NAV2: variants seen among roughly 807,000 people sequenced by gnomAD.
NAV2 encodes the protein neuron navigator 2.
Under a neutral mutation model 223.2 loss-of-function variants are expected in NAV2, and 54 were observed. The ratio of observed to expected loss-of-function variants is 0.24; its 90% CI spans 0.19 to 0.30. The LOEUF (loss-of-function observed/expected upper bound fraction) is 0.30. Among genes scored for constraint, NAV2 ranks in the 10% least tolerant of loss-of-function variants. The probability of loss-of-function intolerance (pLI) is 1.00; values close to 1 mark genes in which losing one functional copy is unlikely to be tolerated. For missense variants in NAV2, 2,806 were observed against 3,147.5 expected, an observed-to-expected ratio of 0.89 and a Z score of 2.60; for synonymous variants, 1,279 against 1,239.3, an observed-to-expected ratio of 1.03 and a Z score of -0.67.
In NAV2 at chr11:20,114,816, G is replaced by A. The variant is rs779768669; in HGVS notation, c.7164+21G>A. ...CGCTGGTGAGTCCTCAGCCACCAGA[G>A]CAGCTCAGCATTCCTTTAGCACTTA... On this transcript the variant is annotated intron_variant, in intron 37 of 37. Transcript: ENST00000349880. The A allele has an allele frequency of 1.9e-6, 3 of 1,604,890 alleles. No homozygotes were observed. The South Asian group carries it at 3.3e-5, about 18-fold the overall frequency.
intron 1 of NAV2, among the ~76,000 whole-genome samples, chr11:19,365,176 A>G (rs868692877): frequency 9.2e-5 from 14 of 152,372 alleles, no homozygotes; most frequent in Middle Eastern, 6.8e-3. Context: ...TAGTGGAAAC[A>G]GAAATGAAAT....
chr11:19,793,759 C>G (rs1469773144), intron 1 of NAV2, among the ~76,000 whole-genome samples: 3 of 152,210 alleles, frequency 2.0e-5, no homozygotes, highest in Non-Finnish European at 4.4e-5. Context: ...GCCTGGAGTG[C>G]CCTGTATCAT....
At chr11:20,112,866 G>A (rs1368953023) in intron 36 of NAV2, among the ~76,000 whole-genome samples, 3 of 152,224 alleles carry the variant, frequency 2.0e-5, no homozygotes, top group African/African-American at 4.8e-5. Context: ...ACGTGGTTTT[G>A]TTGGTTCAGA....
At chr11:19,719,175 T>C (rs1419911585) in intron 1 of NAV2, among the ~76,000 whole-genome samples, 1 of 152,166 alleles carries the variant, frequency 6.6e-6, no homozygotes, top group Admixed American at 6.5e-5. Context: ...GGTCAGAAAT[T>C]CTTAGTTCTC....
At chr11:19,489,680 C>G (rs2042560319) in intron 1 of NAV2, among the ~76,000 whole-genome samples, 1 of 152,180 alleles carries the variant, frequency 6.6e-6, no homozygotes, top group Non-Finnish European at 1.5e-5. Context: ...ACTGTAAGAT[C>G]AGAGATGACA....
chr11:19,389,547 G>C (rs1446796201), intron 1 of NAV2, among the ~76,000 whole-genome samples: 1 of 152,164 alleles, frequency 6.6e-6, no homozygotes, highest in Non-Finnish European at 1.5e-5. Flanking sequence ...TTGAGTCTCA[G>C]GATCCTCATC....
At chr11:19,486,111 C>T (rs1255779115) in intron 1 of NAV2, among the ~76,000 whole-genome samples, 1 of 152,132 alleles carries the variant, frequency 6.6e-6, no homozygotes, top group Admixed American at 6.5e-5. Flanking sequence ...GCCCTGAAAA[C>T]AGGTGCAAAA....
At chr11:19,573,688 G>A (rs1237784779) in intron 1 of NAV2, among the ~76,000 whole-genome samples, 3 of 152,212 alleles carry the variant, frequency 2.0e-5, no homozygotes, top group African/African-American at 7.2e-5. Flanking sequence ...TAGGTAGGTG[G>A]TAGAGCCTGA....
At chr11:19,709,459 G>C (rs1360820375), upstream of NAV2, among the ~76,000 whole-genome samples, 3 of 151,296 alleles carry the variant, frequency 2.0e-5, no homozygotes, top group East Asian at 5.9e-4. Context: ...GGAGAATGGG[G>C]TGTACCCAGG....
Position 20,044,033 on chromosome 11 carries a change from A to G in NAV2, c.2960A>G (p.Asp987Gly). Residue 987 changes from aspartate (D) to glycine (G), a missense_variant, in exon 13 of 38, where the codon GAT becomes GGT. Asp to Gly is a moderately conservative substitution (Grantham distance 94). Coordinates refer to ENST00000349880, the MANE Select transcript of NAV2 (RefSeq NM_145117.5). ...GAGAGGAATTCCCTGTGGTCTGGTG[A>G]TGATGTCAAGAAATCAGACGGAGGC... ...QVERNSLWSG[D>G]DVKKSDGGSD... The G allele has an allele frequency of 1.2e-6, 2 of 1,614,204 alleles. No homozygotes were observed. Among genetic ancestry groups the G allele is most frequent in the Non-Finnish European group, 8.5e-7 (1 of 1,180,018 alleles).
chr11:19,879,733 T>C lies in NAV2; in HGVS notation c.512-136T>C, dbSNP rs113824014. ...CTTTGTGGTATAGGCCTGATTTTAA[T>C]TGCCTGTGATACCAATGAAGTGTTC... On this transcript the variant is annotated intron_variant, in intron 4 of 37. Coordinates refer to ENST00000349880, the MANE Select transcript of NAV2 (RefSeq NM_145117.5). 5.5e-3 allele frequency: 5,551 copies of C among 1,000,432 alleles called. 68 individuals are homozygous for C. Among genetic ancestry groups the C allele is most frequent in the African/African-American group, 0.038 (2,354 of 62,154 alleles). 62.0% of individuals were successfully genotyped at this position (1,000,432 alleles called of 1,614,324 possible). A position where few individuals can be genotyped will look rare whatever the true frequency, so the allele number is the denominator to read the frequency against.
chr11:20,028,937 A>G (rs74840273), intron 11 of NAV2, among the ~76,000 whole-genome samples: 3,826 of 152,268 alleles, frequency 0.025, 60 homozygotes, highest in Non-Finnish European at 0.039. Context: ...TGTGAACTGA[A>G]AGGCTCCCAT....
At position 20,098,287 on chromosome 11, in the gene NAV2, C is replaced by A. The variant is rs1246203475; in HGVS notation, c.6181+542C>A. ...ACTGAGGAAAAAAAAAGCTTCACTGCCATGCAATTCTGGGAAACTACATCG... is the reference window on the plus strand; with the variant it reads ...ACTGAGGAAAAAAAAAGCTTCACTGACATGCAATTCTGGGAAACTACATCG... On this transcript the variant is annotated intron_variant, in intron 31 of 37. Coordinates refer to ENST00000349880, the MANE Select transcript of NAV2 (RefSeq NM_145117.5). Among the ~76,000 whole-genome samples, 6 of 152,302 alleles carry A rather than the reference C, an allele frequency of 3.9e-5. No individual in the cohort carries two copies. The East Asian group carries it at 1.2e-3, about 29-fold the overall frequency.
intron 26 of NAV2, among the ~76,000 whole-genome samples, chr11:20,087,261 C>T (rs1364480956): frequency 6.6e-6 from 1 of 152,180 alleles, no homozygotes; most frequent in African/African-American, 2.4e-5. Flanking sequence ...GAACTATCCT[C>T]CAAGCCACTT....
intron 26 of NAV2, among the ~76,000 whole-genome samples, chr11:20,087,345 A>G (rs1414575188): frequency 1.3e-5 from 2 of 152,170 alleles, no homozygotes; most frequent in Admixed American, 6.5e-5. Flanking sequence ...ATCCATGCAC[A>G]CTGGAGATGT....
intron 1 of NAV2, among the ~76,000 whole-genome samples, chr11:19,396,023 G>A (rs1225815562): frequency 6.6e-6 from 1 of 152,180 alleles, no homozygotes; most frequent in African/African-American, 2.4e-5. Flanking sequence ...TACAATGGGT[G>A]ATAATGCCTA....
chr11:19,558,956 G>A lies in NAV2; in HGVS notation c.75+207929G>A, dbSNP rs535334526. Among the ~76,000 whole-genome samples, 148 of 152,288 alleles carry A rather than the reference G, an allele frequency of 9.7e-4. 2 individuals are homozygous for A. The highest frequency in any genetic ancestry group is 3.4e-3 in the African/African-American group (142 of 41,538). ...CAGGACTCCAAGAGAACTAAAGGCC[G>A]TTCCCAGCCTCTTACCGCCTTGCCT... On this transcript the variant is annotated intron_variant, in intron 1 of 37. Coordinates refer to the NAV2 transcript ENST00000360655.
intron 1 of NAV2, among the ~76,000 whole-genome samples, chr11:19,396,932 A>G (rs1217655937): frequency 6.6e-6 from 1 of 152,214 alleles, no homozygotes; most frequent in Admixed American, 6.5e-5. Flanking sequence ...AGTGAGGCTC[A>G]TGTGTATTCA....
Position 20,049,776 on chromosome 11 carries a change from CCT to C in NAV2, c.4371-56_4371-55del, listed in dbSNP as rs1012995349. On this transcript the variant is annotated intron_variant, in intron 15 of 37. Transcript: ENST00000349880. ...AATGAAAAAAATGTATATAACAACA[CCT>C]CTCCTTTCTTCCAAGCTAACGTTCC... 49 of 1,511,150 alleles carry C rather than the reference CCT, an allele frequency of 3.2e-5. No homozygotes were observed. In the African/African-American group the frequency reaches 6.2e-4, roughly 19 times the overall value. 93.6% of individuals were successfully genotyped at this position (1,511,150 alleles called of 1,614,324 possible).
Sources: allele counts gnomAD v4.1 joint callset (sites outside exome capture counted in the v4.1 genomes callset), GRCh38; gene constraint gnomAD v4.1.1; transcripts MANE v1.5; gene names NCBI Gene and HGNC (gene_info 2026-07-23, HGNC 2026-07-21).